TMTC2: variants seen among roughly 807,000 people sequenced by gnomAD.
TMTC2 encodes transmembrane O-mannosyltransferase targeting cadherins 2, also known as protein O-mannosyl-transferase TMTC2.
A neutral mutation model predicts 82.4 loss-of-function variants in TMTC2; 43 were observed. The ratio of observed to expected loss-of-function variants is 0.52; its 90% CI spans 0.41 to 0.67. The LOEUF (loss-of-function observed/expected upper bound fraction) is 0.67. Ranked by LOEUF, TMTC2 falls within the 30% of genes least tolerant of loss-of-function variation. TMTC2 has a pLI of 0.00. For missense variants in TMTC2, 919 were observed against 1,012.4 expected (o/e 0.91, Z 1.25); for synonymous variants, 408 against 381.9 (o/e 1.07, Z -0.80).
chr12:83,008,350 T>G (rs1880299224), intron 8 of TMTC2, among the ~76,000 whole-genome samples: 1 of 152,178 alleles, frequency 6.6e-6, no homozygotes, highest in Admixed American at 6.5e-5. Context: ...TTTGCACAGT[T>G]CTTTGATATT....
At chr12:83,101,794 A>C (rs1390489735) in intron 11 of TMTC2, among the ~76,000 whole-genome samples, 1 of 152,234 alleles carries the variant, frequency 6.6e-6, no homozygotes, top group Admixed American at 6.5e-5. Context: ...CAAAAAATAT[A>C]AAAGTAGTAA....
chr12:82,977,849 GACA>G (rs952044990), intron 7 of TMTC2, among the ~76,000 whole-genome samples: 1 of 151,718 alleles, frequency 6.6e-6, no homozygotes, highest in African/African-American at 2.4e-5. Context: ...AATTTGAATA[GACA>G]ACAAACTGAA....
At chr12:82,954,339 G>A (rs1253690714) in intron 4 of TMTC2, among the ~76,000 whole-genome samples, 1 of 151,902 alleles carries the variant, frequency 6.6e-6, no homozygotes, top group African/African-American at 2.4e-5. Context: ...CCTTTCATGG[G>A]TTCCCAAAAC....
intron 11 of TMTC2, among the ~76,000 whole-genome samples, chr12:83,076,904 A>G (rs566098108): frequency 3.9e-5 from 6 of 152,286 alleles, no homozygotes; most frequent in Admixed American, 2.0e-4. Context: ...ACCTTATCCT[A>G]AAGACAAATA....
chr12:83,014,292 A>G (rs1347157665), intron 8 of TMTC2, among the ~76,000 whole-genome samples: 3 of 152,114 alleles, frequency 2.0e-5, no homozygotes, highest in East Asian at 3.8e-4. Context: ...CCTCCTGAGT[A>G]GCTGGGACAA....
At chr12:83,079,750 C>A (rs1883401346) in intron 11 of TMTC2, among the ~76,000 whole-genome samples, 1 of 152,126 alleles carries the variant, frequency 6.6e-6, no homozygotes, top group Admixed American at 6.5e-5. Context: ...TTTTAAAATG[C>A]ATTTCTGTAG....
At chr12:82,872,386 C>G (rs1387845563) in intron 2 of TMTC2, among the ~76,000 whole-genome samples, 7 of 152,164 alleles carry the variant, frequency 4.6e-5, no homozygotes, top group Non-Finnish European at 8.8e-5. Flanking sequence ...TGCATTTCAC[C>G]TACTCTACAT....
chr12:82,829,950 T>C (rs529947159), intron 1 of TMTC2, among the ~76,000 whole-genome samples: 1 of 152,238 alleles, frequency 6.6e-6, no homozygotes, highest in Admixed American at 6.5e-5. Flanking sequence ...GGTTTGATAT[T>C]ATGGGAAATG....
chr12:82,853,488 G>A (rs544173397), intron 1 of TMTC2, among the ~76,000 whole-genome samples: 7 of 152,282 alleles, frequency 4.6e-5, no homozygotes, highest in African/African-American at 1.7e-4. Flanking sequence ...AGGGTCTTTG[G>A]ATGTAGTATA....
chr12:82,827,466 A>G (rs1869479861), intron 1 of TMTC2, among the ~76,000 whole-genome samples: 1 of 152,188 alleles, frequency 6.6e-6, no homozygotes, highest in Non-Finnish European at 1.5e-5. Context: ...TTTGCATCAA[A>G]TTATTACGGC....
chr12:82,914,825 T>A (rs989237722), intron 3 of TMTC2, among the ~76,000 whole-genome samples: 6 of 145,016 alleles, frequency 4.1e-5, no homozygotes, highest in East Asian at 3.9e-4. Context: ...TTATTTTTTT[T>A]TTTTTTTTTT....
At chr12:83,023,062 T>C (rs2137408367) in intron 8 of TMTC2, among the ~76,000 whole-genome samples, 1 of 152,340 alleles carries the variant, frequency 6.6e-6, no homozygotes, top group African/African-American at 2.4e-5. Context: ...ATAGAATCAG[T>C]TGGCTAGTGT....
chr12:82,999,135 C>T (rs114332880), intron 8 of TMTC2, among the ~76,000 whole-genome samples: 661 of 152,226 alleles, frequency 4.3e-3, no homozygotes, highest in Non-Finnish European at 7.3e-3. Context: ...TAGGAAACCA[C>T]GTTACATTTA....
At chr12:82,708,337 G>A (rs2136908922) in intron 1 of TMTC2, among the ~76,000 whole-genome samples, 1 of 152,278 alleles carries the variant, frequency 6.6e-6, no homozygotes, top group Non-Finnish European at 1.5e-5. Flanking sequence ...GTAATTGTTA[G>A]GAGTGAAAGC....
chr12:82,914,719 A>G (rs1310824878), intron 3 of TMTC2, among the ~76,000 whole-genome samples: 2 of 151,996 alleles, frequency 1.3e-5, no homozygotes, highest in Non-Finnish European at 2.9e-5. Context: ...GAAATATACC[A>G]TCTCCATAAT....
intron 3 of TMTC2, among the ~76,000 whole-genome samples, chr12:82,914,323 T>TA (rs1874868749): frequency 6.6e-6 from 1 of 152,152 alleles, no homozygotes; most frequent in African/African-American, 2.4e-5. Context: ...TTCTTTTTTT[T>TA]AAAAAAATTC....
chr12:82,844,944 G>C (rs1228229928), intron 1 of TMTC2, among the ~76,000 whole-genome samples: 1 of 151,128 alleles, frequency 6.6e-6, no homozygotes, highest in Non-Finnish European at 1.5e-5. Flanking sequence ...AAAACTGTAA[G>C]GGGCCGGGTG....
At chr12:83,025,334 C>T (rs1428174282) in intron 8 of TMTC2, among the ~76,000 whole-genome samples, 2 of 151,286 alleles carry the variant, frequency 1.3e-5, no homozygotes, top group Admixed American at 6.6e-5. Flanking sequence ...ACGATTAATG[C>T]ACTATTTACA....
chr12:83,109,404 C>G (rs2137543954), intron 11 of TMTC2, among the ~76,000 whole-genome samples: 1 of 152,298 alleles, frequency 6.6e-6, no homozygotes, highest in Non-Finnish European at 1.5e-5. Context: ...CTGGGAATTA[C>G]AATTAGACAT....
Sources: gnomAD v4.1 joint callset for allele counts (sites outside exome capture counted in the v4.1 genomes callset) on GRCh38, gnomAD v4.1.1 for gene constraint, MANE v1.5 for transcripts, NCBI Gene and HGNC (gene_info 2026-07-23, HGNC 2026-07-21) for gene names.